NMRK1: variants seen among roughly 807,000 people sequenced by gnomAD.
The protein encoded by NMRK1 is NRK 1.
In NMRK1, 28 loss-of-function variants were observed where a neutral mutation model predicts 29.9. That is an observed-to-expected ratio of 0.94 (90% confidence interval 0.69 to 1.28). NMRK1 has a LOEUF of 1.28. NMRK1 is among the 50% of genes most tolerant of loss of function. The pLI, the probability that NMRK1 is intolerant of heterozygous loss-of-function variation, is 0.00. For missense variants in NMRK1, 218 were observed against 233.1 expected, an observed-to-expected ratio of 0.94 and a Z score of 0.42; for synonymous variants, 58 against 73.0, an observed-to-expected ratio of 0.79 and a Z score of 1.05.
At chr9:75,064,906 A>T (rs1179270192) in intron 8 of NMRK1, among the ~76,000 whole-genome samples, 1 of 152,236 alleles carries the variant, frequency 6.6e-6, no homozygotes, top group Non-Finnish European at 1.5e-5. Flanking sequence ...TTCAAATATA[A>T]CAACAGCTAC....
intron 1 of NMRK1, among the ~76,000 whole-genome samples, chr9:75,084,512 G>A (rs1486933425): frequency 1.3e-5 from 2 of 152,220 alleles, no homozygotes; most frequent in African/African-American, 4.8e-5. Flanking sequence ...ATAGCAGCAG[G>A]GCACTGTGGC....
At position 75,069,921 on chromosome 9, in the gene NMRK1, G is replaced by A. The variant is rs144657237; in HGVS notation, c.291C>T (p.Ile97=). Residue 97 remains isoleucine, a synonymous_variant, in exon 5 of 9, where the codon ATC becomes ATT. Coordinates refer to ENST00000361092, the MANE Select transcript of NMRK1 (RefSeq NM_017881.3). ...ESAEEIPILI[I]EGFLLFNYKP... is the part of the protein sequence containing the mutation. ...TATAATTAAAAAGAAGAAAACCTTC[G>A]ATGATTAAAATGGGAATTTCCTCAG... 6.2e-6 allele frequency: 10 copies of A among 1,613,846 alleles called. No homozygotes were observed. The East Asian group carries it at 6.7e-5, about 11-fold the overall frequency.
chr9:75,070,844 T>C (rs1317730823), intron 4 of NMRK1, among the ~76,000 whole-genome samples: 2 of 152,208 alleles, frequency 1.3e-5, no homozygotes, highest in Non-Finnish European at 2.9e-5. Flanking sequence ...TTCTAGGAAA[T>C]TGTCAATTTC....
intron 4 of NMRK1, among the ~76,000 whole-genome samples, chr9:75,076,294 G>A (rs1288931143): frequency 6.6e-6 from 1 of 152,124 alleles, no homozygotes; most frequent in African/African-American, 2.4e-5. Flanking sequence ...TGGAACGGGA[G>A]GCCATTATGT....
chr9:75,069,558 A>G (rs888328936), intron 6 of NMRK1, 184 bp downstream of exon 6: 17 of 569,576 alleles, frequency 3.0e-5, no homozygotes, highest in Non-Finnish European at 5.2e-5. Flanking sequence ...TTAGAAAGTA[A>G]TTTGCATTAC....
rs551982708 is a variant in NMRK1, at chr9:75,077,282, G to C, written c.121-75C>G. The C allele has an allele frequency of 1.5e-4, 161 of 1,066,800 alleles. 2 individuals carry two copies. The South Asian group carries it at 2.1e-3, about 14-fold the overall frequency. 66.1% of individuals were successfully genotyped at this position (1,066,800 alleles called of 1,614,324 possible). ...ATACAATTATAGACTAAAAAGGAGA[G>C]AAGTCTTTAATAAATGCTTTGGATG... On this transcript the variant is annotated intron_variant, in intron 3 of 8. Coordinates refer to ENST00000361092, the MANE Select transcript of NMRK1 (RefSeq NM_017881.3).
intron 8 of NMRK1, among the ~76,000 whole-genome samples, chr9:75,063,521 A>G (rs1823161430): frequency 6.6e-6 from 1 of 152,160 alleles, no homozygotes; most frequent in Admixed American, 6.5e-5. Context: ...CTTTGGATTT[A>G]AATAAGGATT....
At chr9:75,084,768 T>C (rs541281464) in intron 1 of NMRK1, among the ~76,000 whole-genome samples, 44 of 152,318 alleles carry the variant, frequency 2.9e-4, no homozygotes, top group African/African-American at 9.6e-4. Context: ...CCAGCCTGGG[T>C]GGCAGAGTGA....
intron 2 of NMRK1, among the ~76,000 whole-genome samples, chr9:75,082,030 A>G (rs1399590416): frequency 6.6e-6 from 1 of 152,174 alleles, no homozygotes; most frequent in Non-Finnish European, 1.5e-5. Flanking sequence ...AGGCTAATAC[A>G]TTTCCTTTAT....
chr9:75,070,251 G>A (rs757203805), intron 4 of NMRK1, among the ~76,000 whole-genome samples: 4 of 151,970 alleles, frequency 2.6e-5, no homozygotes, highest in African/African-American at 4.8e-5. Context: ...GGAAAATTTC[G>A]AACATACAAA....
chr9:75,087,069 C>T (rs964256863), intron 1 of NMRK1, among the ~76,000 whole-genome samples: 10 of 152,056 alleles, frequency 6.6e-5, no homozygotes, highest in African/African-American at 2.4e-4. Flanking sequence ...CCACGCCCGG[C>T]TAATTTTTTG....
At chr9:75,084,545 T>C (rs1824508315) in intron 1 of NMRK1, among the ~76,000 whole-genome samples, 1 of 152,192 alleles carries the variant, frequency 6.6e-6, no homozygotes, top group Admixed American at 6.5e-5. Flanking sequence ...TCCCAGCACT[T>C]TGGGAGGCCA....
chr9:75,072,043 T>C (rs1411259668), intron 4 of NMRK1, among the ~76,000 whole-genome samples: 1 of 152,200 alleles, frequency 6.6e-6, no homozygotes, highest in African/African-American at 2.4e-5. Flanking sequence ...GCTAACAAAA[T>C]GAAGGGAGGA....
intron 5 of NMRK1, 28 bp from the exon 6 acceptor site, chr9:75,069,841 AG>A (rs1346046821): frequency 6.2e-7 from 1 of 1,612,094 alleles, no homozygotes; most frequent in East Asian, 2.2e-5. Context: ...TTAGTTCACA[AG>A]GGTTTTTATC....
intron 2 of NMRK1, among the ~76,000 whole-genome samples, chr9:75,081,531 A>G (rs543822720): frequency 6.6e-6 from 1 of 152,376 alleles, no homozygotes; most frequent in Middle Eastern, 3.4e-3. Context: ...AGGACAAGAC[A>G]GAAGGTAGGT....
At chr9:75,076,600 T>A (rs1381125803) in intron 4 of NMRK1, among the ~76,000 whole-genome samples, 1 of 152,168 alleles carries the variant, frequency 6.6e-6, no homozygotes, top group African/African-American at 2.4e-5. Flanking sequence ...TTAAAAAATA[T>A]ATATTTTTGA....
chr9:75,083,889 AT>A (rs1824466485), intron 1 of NMRK1, among the ~76,000 whole-genome samples: 1 of 152,172 alleles, frequency 6.6e-6, no homozygotes, highest in Admixed American at 6.5e-5. Context: ...TATAATCATA[AT>A]TTTTTTAACA....
chr9:75,077,401 T>C (rs1824058386), intron 3 of NMRK1, 89 bp downstream of exon 3: 2 of 1,052,108 alleles, frequency 1.9e-6, no homozygotes, highest in Admixed American at 1.9e-5. Context: ...CGTAAATCTC[T>C]AGCCAAAGAC....
At chr9:75,071,954 C>A (rs1387854885) in intron 4 of NMRK1, among the ~76,000 whole-genome samples, 1 of 152,170 alleles carries the variant, frequency 6.6e-6, no homozygotes, top group East Asian at 1.9e-4. Context: ...GATCCAACCC[C>A]CATGGGTGAC....
Sources: gnomAD v4.1 joint callset for allele counts (sites outside exome capture counted in the v4.1 genomes callset) on GRCh38, gnomAD v4.1.1 for gene constraint, MANE v1.5 for transcripts, NCBI Gene and HGNC (gene_info 2026-07-23, HGNC 2026-07-21) for gene names.